PTPN4: variants seen among roughly 807,000 people sequenced by gnomAD.
PTPN4 encodes the protein protein tyrosine phosphatase non-receptor type 4.
PTPN4 carries 49 observed loss-of-function variants against 135.5 expected under a neutral mutation model. The ratio of observed to expected loss-of-function variants is 0.36; its 90% CI spans 0.29 to 0.46. The LOEUF (loss-of-function observed/expected upper bound fraction) is 0.46, where lower values mean the gene tolerates loss of function less well. Ranked by LOEUF, PTPN4 falls within the 20% of genes least tolerant of loss-of-function variation. The pLI is 1.00. For missense variants in PTPN4, 860 were observed against 1,101.0 expected, an observed-to-expected ratio of 0.78 and a Z score of 3.10; for synonymous variants, 333 against 369.9, an observed-to-expected ratio of 0.90 and a Z score of 1.14.
intron 10 of PTPN4, among the ~76,000 whole-genome samples, chr2:119,913,231 G>A (rs1678599537): frequency 6.6e-6 from 1 of 152,050 alleles, no homozygotes; most frequent in Non-Finnish European, 1.5e-5. Flanking sequence ...ATATATCTAG[G>A]AGTGGAATAC....
chr2:119,891,741 A>G (rs1187879312), intron 9 of PTPN4, among the ~76,000 whole-genome samples: 2 of 152,206 alleles, frequency 1.3e-5, no homozygotes, highest in African/African-American at 4.8e-5. Flanking sequence ...AGACCTTTCA[A>G]GTCAATAATT....
intron 26 of PTPN4, among the ~76,000 whole-genome samples, chr2:119,973,865 T>C (rs1455696056): frequency 6.6e-6 from 1 of 152,042 alleles, no homozygotes; most frequent in Non-Finnish European, 1.5e-5. Context: ...TGTCTTTTTT[T>C]TGTGAAGTTA....
At chr2:119,805,475 T>G (rs1222950143) in intron 1 of PTPN4, among the ~76,000 whole-genome samples, 2 of 152,180 alleles carry the variant, frequency 1.3e-5, no homozygotes, top group African/African-American at 4.8e-5. Context: ...GTATAAGGTG[T>G]AAGGAAGGGA....
intron 1 of PTPN4, among the ~76,000 whole-genome samples, chr2:119,786,082 C>T (rs1238748908): frequency 2.0e-5 from 3 of 152,174 alleles, no homozygotes; most frequent in African/African-American, 7.2e-5. Context: ...AATTACACTT[C>T]TCCTCCTTTC....
chr2:119,924,837 G>A (rs896631815), intron 12 of PTPN4, among the ~76,000 whole-genome samples: 3 of 152,106 alleles, frequency 2.0e-5, no homozygotes, highest in African/African-American at 7.2e-5. Context: ...AGTCAGGGAA[G>A]CAGAAAGCCC....
intron 5 of PTPN4, among the ~76,000 whole-genome samples, chr2:119,878,287 TG>T (rs1008018043): frequency 2.0e-5 from 3 of 152,180 alleles, no homozygotes; most frequent in African/African-American, 7.2e-5. Flanking sequence ...AGTATTAACC[TG>T]AATGACAACC....
chr2:119,843,571 C>G (rs1677417024), intron 2 of PTPN4, among the ~76,000 whole-genome samples: 1 of 108,752 alleles, frequency 9.2e-6, no homozygotes, highest in Non-Finnish European at 1.9e-5. Context: ...GGCGGCCGGG[C>G]AGAGGCGCCC....
intron 2 of PTPN4, among the ~76,000 whole-genome samples, chr2:119,847,328 ATTT>A (rs150876390): frequency 1.1e-4 from 11 of 102,724 alleles, no homozygotes; most frequent in South Asian, 3.1e-4. Context: ...ATATATATAT[ATTT>A]TTTTTTTTTT....
chr2:119,857,359 C>T (rs748394893), intron 2 of PTPN4, among the ~76,000 whole-genome samples: 1 of 151,892 alleles, frequency 6.6e-6, no homozygotes, highest in Non-Finnish European at 1.5e-5. Context: ...GGTGAAACCC[C>T]GTCTCTACTA....
chr2:119,822,363 C>T (rs996084161), intron 2 of PTPN4, among the ~76,000 whole-genome samples: 1 of 129,488 alleles, frequency 7.7e-6, no homozygotes, highest in African/African-American at 2.7e-5. Context: ...CCTCCCCCCC[C>T]CTTTTTTTTT....
intron 2 of PTPN4, among the ~76,000 whole-genome samples, chr2:119,839,860 A>T (rs1204400045): frequency 1.3e-5 from 2 of 152,142 alleles, no homozygotes; most frequent in Admixed American, 6.6e-5. Context: ...TTGCTTAGAG[A>T]GTAAGTTGTA....
At position 119,980,539 on chromosome 2, in the gene PTPN4, T is replaced by G. The variant is rs1679677249; in HGVS notation, c.*3469T>G. 1 of 152,046 alleles carries G rather than the reference T, an allele frequency of 6.6e-6. No homozygotes were observed. 9.4% of individuals were successfully genotyped at this position (152,046 alleles called of 1,614,324 possible). A position where few individuals can be genotyped will look rare whatever the true frequency, so the allele number is the denominator to read the frequency against. ...CAGTCTGGTCTTATATGATCTGCTT[T>G]CTAATTATCTATCTAGTATTCCTAT... On this transcript the variant is annotated 3_prime_UTR_variant, in exon 27 of 27. Coordinates refer to ENST00000263708, the MANE Select transcript of PTPN4 (RefSeq NM_002830.4).
At chr2:119,845,241 A>AGAGGAG (rs1677474959) in intron 2 of PTPN4, among the ~76,000 whole-genome samples, 1 of 28,340 alleles carries the variant, frequency 3.5e-5, no homozygotes, top group East Asian at 1.2e-3. Flanking sequence ...GGGGAGAGGG[A>AGAGGAG]GAGGGGGAGG....
chr2:119,842,095 A>C (rs1022196889), intron 2 of PTPN4, among the ~76,000 whole-genome samples: 2 of 152,214 alleles, frequency 1.3e-5, no homozygotes. Flanking sequence ...CGTAGATTTT[A>C]ATCTGTTATG....
At chr2:119,965,689 ACGT>A (rs1679435938) in intron 25 of PTPN4, 44 bp downstream of exon 25, 2 of 1,560,312 alleles carry the variant, frequency 1.3e-6, no homozygotes, top group Admixed American at 3.9e-5. Context: ...CTGAACAGAT[ACGT>A]CATTTTTAAA....
chr2:119,829,579 G>A (rs1035914523), intron 2 of PTPN4, among the ~76,000 whole-genome samples: 1 of 152,110 alleles, frequency 6.6e-6, no homozygotes, highest in African/African-American at 2.4e-5. Flanking sequence ...TACAATATAT[G>A]TCTTATTGTG....
rs140258246 is a variant in PTPN4, at chr2:119,826,937, A to T, written c.138+16946A>T. On this transcript the variant is annotated intron_variant, in intron 2 of 26. Coordinates refer to ENST00000263708, the MANE Select transcript of PTPN4 (RefSeq NM_002830.4). The stretch of plus-strand genomic sequence containing the variant: ...CTAACTGCTTGGGAGGCTGAAGCAG[A>T]AGGATTGCTTGGGCCAGGAGTTCGA... Among the ~76,000 whole-genome samples, 944 of 152,244 alleles carry T rather than the reference A, an allele frequency of 6.2e-3. 6 individuals carry two copies. Among genetic ancestry groups the T allele is most frequent in the African/African-American group, 0.022 (906 of 41,556 alleles).
intron 3 of PTPN4, among the ~76,000 whole-genome samples, chr2:119,873,415 A>G (rs1354820982): frequency 6.6e-6 from 1 of 152,190 alleles, no homozygotes; most frequent in African/African-American, 2.4e-5. Context: ...CAGATCTCAA[A>G]TGTAGAAATT....
intron 2 of PTPN4, among the ~76,000 whole-genome samples, chr2:119,830,481 C>T (rs1677202667): frequency 6.6e-6 from 1 of 152,048 alleles, no homozygotes; most frequent in Admixed American, 6.6e-5. Context: ...CTCTCTCTCT[C>T]TCTATTTTTT....
Sources: gnomAD v4.1 joint callset for allele counts (sites outside exome capture counted in the v4.1 genomes callset) on GRCh38, gnomAD v4.1.1 for gene constraint, MANE v1.5 for transcripts, NCBI Gene and HGNC (gene_info 2026-07-23, HGNC 2026-07-21) for gene names.